ERI3: variants seen among roughly 807,000 people sequenced by gnomAD.
ERI3 encodes ERI1 exoribonuclease 3.
A neutral mutation model predicts 44.4 loss-of-function variants in ERI3; 18 were observed. The observed-to-expected ratio is 0.41, with a 90% CI of 0.28 to 0.60. The LOEUF (loss-of-function observed/expected upper bound fraction) is 0.60, where lower values mean the gene tolerates loss of function less well. ERI3 is among the 20% of genes least tolerant of loss of function. The probability of loss-of-function intolerance (pLI) is 0.36; values close to 1 mark genes in which losing one functional copy is unlikely to be tolerated. For synonymous variants in ERI3, 183 were observed against 164.8 expected (o/e 1.11, Z -0.84); for missense variants, 294 against 435.5 (o/e 0.68, Z 2.89).
intron 6 of ERI3, among the ~76,000 whole-genome samples, chr1:44,290,608 T>G (rs769121483): frequency 3.3e-5 from 5 of 152,192 alleles, no homozygotes; most frequent in African/African-American, 9.7e-5. Context: ...GCAGCATGAT[T>G]TGAGTCGGTA....
intron 6 of ERI3, among the ~76,000 whole-genome samples, chr1:44,287,381 T>C (rs151280257): frequency 7.4e-4 from 113 of 152,340 alleles, no homozygotes; most frequent in Middle Eastern, 3.4e-3. Context: ...AGTCCGGCCT[T>C]CCCTCCATTA....
chr1:44,239,039 C>G (rs111617801), intron 8 of ERI3, among the ~76,000 whole-genome samples: 3 of 151,148 alleles, frequency 2.0e-5, no homozygotes, highest in Admixed American at 1.3e-4. Flanking sequence ...CCTCCCCCCC[C>G]CAATCCAGCT....
At position 44,221,709 on chromosome 1, in the gene ERI3, A is replaced by G; in HGVS notation, c.932-69T>C. ...CCTCCATGCCCACAGGTGCTCTTAC[A>G]AGGGTGGGGGTGGGAAGCAGGGTCA... On this transcript the variant is annotated intron_variant, in intron 8 of 8. Transcript: ENST00000372257. The surrounding 1 kb of genome is among the most constrained non-coding windows in gnomAD (Gnocchi z 5.9). 8.2e-7 allele frequency: 1 copy of G among 1,223,948 alleles called. No homozygotes were observed. Among genetic ancestry groups the G allele is most frequent in the African/African-American group, 1.5e-5 (1 of 66,938 alleles). The allele number at this position is 1,223,948 out of a possible 1,614,324, so 75.8% of individuals were successfully genotyped here.
At chr1:44,314,086 C>T (rs1035785741) in intron 4 of ERI3, among the ~76,000 whole-genome samples, 1 of 152,086 alleles carries the variant, frequency 6.6e-6, no homozygotes, top group African/African-American at 2.4e-5. Context: ...CCCAGCATGT[C>T]CCTGGCTACT....
At chr1:44,263,057 C>T (rs896530133) in intron 7 of ERI3, among the ~76,000 whole-genome samples, 4 of 152,168 alleles carry the variant, frequency 2.6e-5, no homozygotes, top group Admixed American at 2.6e-4. Flanking sequence ...GAGCAAACCA[C>T]AAGGGGAAAG....
At position 44,228,589 on chromosome 1, in the gene ERI3, GC is replaced by G. The variant is rs1644102158; in HGVS notation, c.932-6950del. Among the ~76,000 whole-genome samples the G allele has an allele frequency of 6.6e-6, 1 of 152,138 alleles. No homozygotes were observed. Among genetic ancestry groups the G allele is most frequent in the Non-Finnish European group, 1.5e-5 (1 of 68,034 alleles). ...GATAATGATGTGTTTGGAAATTAAG[GC>G]AATCAAACACTTACCGCCGCTCCTG... On this transcript the variant is annotated intron_variant, in intron 8 of 8. Coordinates refer to ENST00000372257, the MANE Select transcript of ERI3 (RefSeq NM_024066.3). This position sits in a 1 kb window ranked among gnomAD's most constrained non-coding sequence, Gnocchi z 4.3.
intron 2 of ERI3, among the ~76,000 whole-genome samples, chr1:44,348,899 T>C (rs548651008): frequency 6.6e-6 from 1 of 152,318 alleles, no homozygotes. Flanking sequence ...TTTCTTCATA[T>C]GGTATCAAGG....
intron 7 of ERI3, among the ~76,000 whole-genome samples, chr1:44,261,083 C>T (rs55884930): frequency 1.3e-5 from 2 of 152,320 alleles, no homozygotes; most frequent in Non-Finnish European, 2.9e-5. Flanking sequence ...AAGTCTAGGT[C>T]CCCACTCCCT....
At chr1:44,301,233 C>A (rs1645719659) in intron 6 of ERI3, among the ~76,000 whole-genome samples, 1 of 152,212 alleles carries the variant, frequency 6.6e-6, no homozygotes, top group African/African-American at 2.4e-5. Context: ...GGTTCCCACT[C>A]TCTCTGAGCT....
At chr1:44,311,380 C>A (rs950333247) in intron 5 of ERI3, among the ~76,000 whole-genome samples, 1 of 151,982 alleles carries the variant, frequency 6.6e-6, no homozygotes, top group Admixed American at 6.5e-5. Flanking sequence ...GGCCTTGGTT[C>A]GGACAAGAAA....
rs1644706132 is a variant in ERI3, at chr1:44,252,649, A to C, written c.832-4611T>G. On this transcript the variant is annotated intron_variant, in intron 7 of 8. Coordinates refer to ENST00000372257, the MANE Select transcript of ERI3 (RefSeq NM_024066.3). This position sits in a 1 kb window ranked among gnomAD's most constrained non-coding sequence, Gnocchi z 4.7. ...GCCCGGCGGCTTATGGGGGCTTAGC[A>C]GCTGCGACAAGTGTATTGGGTTTAA... Among the ~76,000 whole-genome samples, 1 of 152,210 alleles carries C rather than the reference A, an allele frequency of 6.6e-6. No homozygotes were observed. The highest frequency in any genetic ancestry group is 1.5e-5 in the Non-Finnish European group (1 of 68,046).
At chr1:44,340,246 A>C (rs548790117) in intron 2 of ERI3, among the ~76,000 whole-genome samples, 46 of 152,348 alleles carry the variant, frequency 3.0e-4, no homozygotes, top group African/African-American at 1.1e-3. Flanking sequence ...AAATACAAAA[A>C]TCAAAGCCTA....
intron 6 of ERI3, among the ~76,000 whole-genome samples, chr1:44,289,089 G>A (rs749200005): frequency 3.3e-5 from 5 of 152,156 alleles, no homozygotes; most frequent in East Asian, 1.9e-4. Flanking sequence ...TTTATGCACC[G>A]AGTCCACAGG....
At chr1:44,246,456 T>C (rs113279459) in intron 8 of ERI3, among the ~76,000 whole-genome samples, 109 of 152,352 alleles carry the variant, frequency 7.2e-4, no homozygotes, top group African/African-American at 2.5e-3. Context: ...GAAACATCTA[T>C]GCGAGGGAAC....
chr1:44,342,773 A>G (rs551905250), intron 2 of ERI3, among the ~76,000 whole-genome samples: 1 of 123,814 alleles, frequency 8.1e-6, no homozygotes, highest in East Asian at 2.6e-4. Context: ...CAGCCTCCCA[A>G]GTAGCTTGGA....
chr1:44,333,307 TAGA>T (rs1312952551), intron 3 of ERI3, among the ~76,000 whole-genome samples: 3 of 152,252 alleles, frequency 2.0e-5, no homozygotes, highest in Admixed American at 6.5e-5. Context: ...TTTTCCAGTT[TAGA>T]AGAATAGCGT....
At chr1:44,229,907 C>A (rs964191183) in intron 8 of ERI3, among the ~76,000 whole-genome samples, 1 of 152,158 alleles carries the variant, frequency 6.6e-6, no homozygotes, top group Non-Finnish European at 1.5e-5. Context: ...GAGTTGGGGA[C>A]CACAGGACAA....
At chr1:44,234,994 G>C (rs1277047415) in intron 8 of ERI3, among the ~76,000 whole-genome samples, 2 of 152,148 alleles carry the variant, frequency 1.3e-5, no homozygotes, top group African/African-American at 2.4e-5. Context: ...GTTAACATGA[G>C]GGAAAGCTGG....
intron 8 of ERI3, among the ~76,000 whole-genome samples, chr1:44,233,081 A>G (rs1644223501): frequency 6.6e-6 from 1 of 152,148 alleles, no homozygotes; most frequent in Non-Finnish European, 1.5e-5. Context: ...GGAGCGTATG[A>G]CTAGAGAAAA....
Sources: allele counts gnomAD v4.1 joint callset (sites outside exome capture counted in the v4.1 genomes callset), GRCh38; gene constraint gnomAD v4.1.1; non-coding constraint Gnocchi (gnomAD v3.1); transcripts MANE v1.5; gene names NCBI Gene and HGNC (gene_info 2026-07-23, HGNC 2026-07-21).